Variants in COL4A5 observed in about 807,000 individuals in gnomAD.
The protein encoded by COL4A5 is collagen alpha-5(IV) chain.
A neutral mutation model predicts 130.2 loss-of-function variants in COL4A5; 26 were observed. The observed-to-expected ratio is 0.20, with a 90% CI of 0.15 to 0.28. The LOEUF (loss-of-function observed/expected upper bound fraction) is 0.28. COL4A5 is among the 10% of genes least tolerant of loss of function. The pLI is 1.00. For missense variants in COL4A5, 1,131 were observed against 1,344.3 expected, an observed-to-expected ratio of 0.84 and a Z score of 2.48; for synonymous variants, 496 against 439.6, an observed-to-expected ratio of 1.13 and a Z score of -1.60.
At chrX:108,561,673 G>A (rs1368707312) in intron 3 of COL4A5, among the ~76,000 whole-genome samples, 1 of 110,807 alleles carries the variant, frequency 9.0e-6, no homozygotes, top group East Asian at 2.8e-4. Flanking sequence ...TTTATATGAT[G>A]GTGGTACATC....
intron 30 of COL4A5, among the ~76,000 whole-genome samples, chrX:108,616,832 G>A (rs1183110724): frequency 1.8e-5 from 2 of 108,592 alleles, no homozygotes; most frequent in Non-Finnish European, 3.8e-5. Flanking sequence ...CTTATAACCA[G>A]ATATAAATAT....
At chrX:108,478,185 CA>C (rs1339089434) in intron 1 of COL4A5, among the ~76,000 whole-genome samples, 1 of 111,633 alleles carries the variant, frequency 9.0e-6, no homozygotes, top group Non-Finnish European at 1.9e-5. Flanking sequence ...ATGGGTCAGT[CA>C]CCCCAGCCAA....
intron 2 of COL4A5, among the ~76,000 whole-genome samples, chrX:108,542,586 A>T (rs2147666993): frequency 9.1e-6 from 1 of 109,941 alleles, no homozygotes; most frequent in East Asian, 2.8e-4. Context: ...ATGTGTCTTT[A>T]TAGCAGCATG....
Position 108,538,599 on chromosome X carries a change from A to C in COL4A5, c.82-1147A>C, listed in dbSNP as rs191494716. 6.6e-4 allele frequency among the ~76,000 whole-genome samples: 74 copies of C among 111,545 alleles called. 1 individual carries two copies. The highest frequency in any genetic ancestry group is 7.5e-5 in the Non-Finnish European group (4 of 53,067). On this transcript the variant is annotated intron_variant, in intron 1 of 52. Coordinates refer to ENST00000328300, the MANE Select transcript of COL4A5 (RefSeq NM_033380.3). The stretch of plus-strand genomic sequence containing the variant: ...GGTAGTGACTAGAGTAAAGGAAATC[A>C]TGGAATGTTGAGCAGCAGGCTAAGG...
intron 1 of COL4A5, among the ~76,000 whole-genome samples, chrX:108,485,662 T>C (rs937175171): frequency 1.8e-5 from 2 of 110,103 alleles, no homozygotes; most frequent in Non-Finnish European, 3.8e-5. Context: ...TATCCTACTG[T>C]GTCTGAGCTA....
chrX:108,555,781 A>G, intron 2 of COL4A5, among the ~76,000 whole-genome samples: 2 of 112,016 alleles, frequency 1.8e-5, no homozygotes, highest in Admixed American at 1.9e-4. Flanking sequence ...TTTAACTCAC[A>G]AACTAGTCTA....
intron 45 of COL4A5, 26 bp downstream of exon 45, chrX:108,680,777 C>T (rs749455550): frequency 3.6e-5 from 43 of 1,193,214 alleles, no homozygotes; most frequent in Non-Finnish European, 4.9e-5. Context: ...TTTGTGGTTT[C>T]CCTTTATATT....
chrX:108,596,293 A>G (rs915450989), intron 22 of COL4A5, among the ~76,000 whole-genome samples: 2 of 112,352 alleles, frequency 1.8e-5, no homozygotes, highest in Non-Finnish European at 3.8e-5. Flanking sequence ...ATTATTGGAC[A>G]TTAATAATCT....
chrX:108,599,155 C>A (rs1370713711), intron 25 of COL4A5, among the ~76,000 whole-genome samples: 1 of 110,914 alleles, frequency 9.0e-6, no homozygotes, highest in Non-Finnish European at 1.9e-5. Flanking sequence ...AGGTAGCTAC[C>A]ACACACATCA....
chrX:108,589,029 G>A (rs2066387743), intron 19 of COL4A5, among the ~76,000 whole-genome samples: 1 of 111,411 alleles, frequency 9.0e-6, no homozygotes, highest in Non-Finnish European at 1.9e-5. Flanking sequence ...AAGAACCAAA[G>A]CTTAGAAAAT....
At chrX:108,556,668 C>T (rs750640996) in intron 2 of COL4A5, among the ~76,000 whole-genome samples, 8 of 111,005 alleles carry the variant, frequency 7.2e-5, no homozygotes, top group African/African-American at 2.6e-4. Flanking sequence ...AAGGATTAAA[C>T]GAGTGCCTAA....
chrX:108,598,978 T>C (rs2066576692), intron 25 of COL4A5, 108 bp downstream of exon 25: 3 of 793,321 alleles, frequency 3.8e-6, no homozygotes, highest in Non-Finnish European at 3.7e-6. Context: ...CCTGGCCGTT[T>C]ATATTTGAAC....
chrX:108,687,440 G>T, intron 48 of COL4A5, 42 bp from the exon 49 acceptor site: 1 of 1,097,096 alleles, frequency 9.1e-7, no homozygotes, highest in South Asian at 1.8e-5. Flanking sequence ...GAGTGGATCA[G>T]AGCTTACTTA....
At chrX:108,518,670 A>AT (rs60666281) in intron 1 of COL4A5, among the ~76,000 whole-genome samples, 7 of 111,357 alleles carry the variant, frequency 6.3e-5, no homozygotes, top group African/African-American at 1.9e-4. Context: ...TAAAAAATGC[A>AT]TTTTTTTAAA....
intron 4 of COL4A5, among the ~76,000 whole-genome samples, chrX:108,566,712 C>T (rs1452848765): frequency 2.7e-5 from 3 of 110,411 alleles, no homozygotes; most frequent in African/African-American, 9.9e-5. Flanking sequence ...CAACGCCCGG[C>T]TAATTTTTTG....
At chrX:108,665,722 A>G in intron 38 of COL4A5, 135 bp downstream of exon 38, 1 of 496,011 alleles carries the variant, frequency 2.0e-6, no homozygotes, top group Non-Finnish European at 3.5e-6. Context: ...TTAACACTGC[A>G]TGTGAGGTAC....
In COL4A5 at chrX:108,584,478, G is replaced by T; in HGVS notation, c.991-6G>T. On this transcript the variant is annotated splice_region_variant and splice_polypyrimidine_tract_variant and intron_variant, in intron 17 of 52. Coordinates refer to ENST00000328300, the MANE Select transcript of COL4A5 (RefSeq NM_033380.3). ...TACTAACCTATTTTACAATTGCATT[G>T]AACAGGGCCAAAAAGGTGACACTGG... 8.3e-7 allele frequency: 1 copy of T among 1,203,831 alleles called. No homozygotes were observed. Among genetic ancestry groups the T allele is most frequent in the Non-Finnish European group, 1.1e-6 (1 of 890,448 alleles).
chrX:108,505,862 A>C (rs928535926), intron 1 of COL4A5, among the ~76,000 whole-genome samples: 1 of 112,821 alleles, frequency 8.9e-6, no homozygotes, highest in East Asian at 2.8e-4. Flanking sequence ...ATCAAGTGAT[A>C]CTGTTTATAT....
intron 37 of COL4A5, among the ~76,000 whole-genome samples, chrX:108,657,034 A>T (rs2067856196): frequency 9.0e-6 from 1 of 111,724 alleles, no homozygotes; most frequent in Non-Finnish European, 1.9e-5. Context: ...CTTTCCTTTC[A>T]TGAATAGTGA....
Sources: allele counts gnomAD v4.1 joint callset (sites outside exome capture counted in the v4.1 genomes callset), GRCh38; gene constraint gnomAD v4.1.1; transcripts MANE v1.5; gene names NCBI Gene and HGNC (gene_info 2026-07-23, HGNC 2026-07-21).